Variants in ATP10B observed in about 807,000 individuals in gnomAD.
ATP10B encodes the protein phospholipid-transporting ATPase VB.
ATP10B carries 122 observed loss-of-function variants against 141.2 expected under a neutral mutation model. The observed-to-expected ratio is 0.86, with a 90% CI of 0.75 to 1.00. The LOEUF is 1.00. Among genes scored for constraint, ATP10B ranks in the 50% least tolerant of loss-of-function variants. The pLI, the probability that ATP10B is intolerant of heterozygous loss-of-function variation, is 0.00. For synonymous variants in ATP10B, 685 were observed against 692.0 expected (o/e 0.99, Z 0.16); for missense variants, 1,876 against 1,825.3 (o/e 1.03, Z -0.51).
intron 1 of ATP10B, among the ~76,000 whole-genome samples, chr5:160,826,762 G>A (rs569571613): frequency 2.0e-5 from 3 of 152,222 alleles, no homozygotes; most frequent in African/African-American, 7.2e-5. Flanking sequence ...ATTCCTGTGG[G>A]GAAGTCTATA....
chr5:160,917,884 G>T, the ATP10B span, among the ~76,000 whole-genome samples: 1 of 152,210 alleles, frequency 6.6e-6, no homozygotes, highest in Non-Finnish European at 1.5e-5. Context: ...CTTTCGGGGA[G>T]CTGTGACCTG....
chr5:160,730,776 A>G (rs770314253), intron 2 of ATP10B, among the ~76,000 whole-genome samples: 1 of 152,064 alleles, frequency 6.6e-6, no homozygotes, highest in Non-Finnish European at 1.5e-5. Context: ...CCATGTTTCC[A>G]TATATGACCC....
At chr5:160,838,730 A>G (rs1277442968) in intron 1 of ATP10B, among the ~76,000 whole-genome samples, 2 of 152,142 alleles carry the variant, frequency 1.3e-5, no homozygotes, top group Non-Finnish European at 2.9e-5. Flanking sequence ...GACATTTTTG[A>G]TGATGAAATG....
At chr5:160,631,256 C>T (rs1351234410) in intron 13 of ATP10B, among the ~76,000 whole-genome samples, 2 of 152,136 alleles carry the variant, frequency 1.3e-5, no homozygotes, top group African/African-American at 4.8e-5. Context: ...TTTTATGTTC[C>T]CCGGAGAAAG....
intron 1 of ATP10B, among the ~76,000 whole-genome samples, chr5:160,795,516 G>A (rs137873628): frequency 5.3e-5 from 8 of 152,064 alleles, no homozygotes; most frequent in Non-Finnish European, 8.8e-5. Flanking sequence ...GAATAGGGGT[G>A]AGAATAGTGG....
intron 1 of ATP10B, among the ~76,000 whole-genome samples, chr5:160,788,287 A>G (rs1044401798): frequency 5.3e-5 from 8 of 152,134 alleles, no homozygotes; most frequent in African/African-American, 1.9e-4. Flanking sequence ...CACTTGGCCA[A>G]CAGTTGAAAC....
chr5:160,874,220 C>A, the ATP10B span, among the ~76,000 whole-genome samples: 1 of 149,486 alleles, frequency 6.7e-6, no homozygotes, highest in Non-Finnish European at 1.5e-5. Context: ...CAAGTGGGTC[C>A]CTGACCCCTG....
chr5:160,625,256 A>G (rs1339147715), intron 13 of ATP10B, among the ~76,000 whole-genome samples: 1 of 152,232 alleles, frequency 6.6e-6, no homozygotes, highest in African/African-American at 2.4e-5. Context: ...TGCATGTGAA[A>G]GAAGTGGCCT....
intron 7 of ATP10B, among the ~76,000 whole-genome samples, chr5:160,656,974 A>G (rs963523105): frequency 6.6e-6 from 1 of 152,180 alleles, no homozygotes; most frequent in African/African-American, 2.4e-5. Context: ...CTGTTTCTAC[A>G]TGATTCCCAG....
At chr5:160,904,623 C>G in the ATP10B span, among the ~76,000 whole-genome samples, 1 of 152,076 alleles carries the variant, frequency 6.6e-6, no homozygotes, top group Non-Finnish European at 1.5e-5. Context: ...CCAACATCAG[C>G]AAGAGTGAAG....
chr5:160,887,169 C>A, the ATP10B span, among the ~76,000 whole-genome samples: 1 of 152,090 alleles, frequency 6.6e-6, no homozygotes. Context: ...GAGGATTGGT[C>A]CTAGGACCTC....
At chr5:160,570,649 C>A (rs1324995683) in intron 24 of ATP10B, among the ~76,000 whole-genome samples, 19 of 152,204 alleles carry the variant, frequency 1.2e-4, no homozygotes, top group Admixed American at 1.2e-3. Context: ...TCACTCAACT[C>A]ACTGGCATTA....
the ATP10B span, among the ~76,000 whole-genome samples, chr5:160,864,305 A>C: frequency 6.6e-6 from 1 of 152,064 alleles, no homozygotes; most frequent in Non-Finnish European, 1.5e-5. Context: ...GATACATTAC[A>C]TAAAGAGAAT....
At chr5:160,645,888 C>A (rs1760244908) in intron 8 of ATP10B, among the ~76,000 whole-genome samples, 1 of 152,120 alleles carries the variant, frequency 6.6e-6, no homozygotes, top group African/African-American at 2.4e-5. Flanking sequence ...GATAGGGAAA[C>A]TGAGGCAAGT....
chr5:160,775,676 A>ATTTTTTTTTTTTTTTTTTTTTT (rs10642787), intron 2 of ATP10B, among the ~76,000 whole-genome samples: 1 of 116,822 alleles, frequency 8.6e-6, no homozygotes, highest in Admixed American at 9.5e-5. Context: ...CAAGTTTCAG[A>ATTTTTTTTTTTTTTTTTTTTTT]TTTTTTTTTT....
At chr5:160,716,169 A>C (rs1187899729) in intron 3 of ATP10B, among the ~76,000 whole-genome samples, 1 of 152,236 alleles carries the variant, frequency 6.6e-6, no homozygotes. Context: ...AATGGAAACA[A>C]ATGTCCATCA....
chr5:160,593,077 C>A (rs189246803), intron 22 of ATP10B, among the ~76,000 whole-genome samples: 1 of 152,222 alleles, frequency 6.6e-6, no homozygotes, highest in East Asian at 1.9e-4. Flanking sequence ...TCTCCCAGCA[C>A]GCAGCTGGAG....
chr5:160,630,769 G>A (rs1758875482), intron 13 of ATP10B, among the ~76,000 whole-genome samples: 1 of 152,172 alleles, frequency 6.6e-6, no homozygotes, highest in African/African-American at 2.4e-5. Flanking sequence ...AAGGTCATAT[G>A]TCTTAACACA....
chr5:160,724,310 T>C (rs12515917), intron 2 of ATP10B, among the ~76,000 whole-genome samples: 123,540 of 144,046 alleles, frequency 0.86, 53,098 homozygotes, highest in East Asian at 0.9. Flanking sequence ...CAGGCTGAAA[T>C]GCAGTGATGT....
Sources: gnomAD v4.1 joint callset for allele counts (sites outside exome capture counted in the v4.1 genomes callset) on GRCh38, gnomAD v4.1.1 for gene constraint, MANE v1.5 for transcripts, NCBI Gene and HGNC (gene_info 2026-07-23, HGNC 2026-07-21) for gene names.